The following SLC5A11 variants were observed in gnomAD, a reference collection of about 807,000 sequenced individuals.
SLC5A11 encodes the protein solute carrier family 5 member 11.
In SLC5A11, 48 loss-of-function variants were observed where a neutral mutation model predicts 69.8. The observed-to-expected ratio is 0.69, with a 90% CI of 0.55 to 0.87. The LOEUF (loss-of-function observed/expected upper bound fraction) is 0.87, where lower values mean the gene tolerates loss of function less well. Among genes scored for constraint, SLC5A11 ranks in the 40% least tolerant of loss-of-function variants. The pLI, the probability that SLC5A11 is intolerant of heterozygous loss-of-function variation, is 0.00. For missense variants in SLC5A11, 784 were observed against 866.1 expected (o/e 0.91, Z 1.19); for synonymous variants, 319 against 342.4 (o/e 0.93, Z 0.75).
intron 1 of SLC5A11, 52 bp from the exon 3 acceptor site, chr16:24,858,568 G>T (rs1355874248): frequency 2.6e-6 from 4 of 1,517,020 alleles, no homozygotes; most frequent in Non-Finnish European, 3.6e-6. Flanking sequence ...CAGAAAGGGT[G>T]AGAAGAATGA....
chr16:24,906,706 C>A, exon 11 of SLC5A11: 1 of 1,613,644 alleles, frequency 6.2e-7, no homozygotes, highest in Non-Finnish European at 8.5e-7. Context: ...TCTGCAGCAA[C>A]CCCTCAGGCT....
At chr16:24,877,938 C>G (rs939101517) in intron 7 of SLC5A11, among the ~76,000 whole-genome samples, 1 of 151,780 alleles carries the variant, frequency 6.6e-6, no homozygotes, top group Non-Finnish European at 1.5e-5. Flanking sequence ...GAGCCAAGAT[C>G]GCGCCACTGC....
At chr16:24,865,543 T>G (rs1310652979) in intron 3 of SLC5A11, among the ~76,000 whole-genome samples, 1 of 151,970 alleles carries the variant, frequency 6.6e-6, no homozygotes, top group Non-Finnish European at 1.5e-5. Context: ...GGTGACAGAG[T>G]GAGACTCCAT....
chr16:24,875,582 G>T (rs1352040094), intron 5 of SLC5A11, 45 bp from the exon 7 acceptor site: 4 of 1,528,860 alleles, frequency 2.6e-6, no homozygotes. Flanking sequence ...GTCACGTGCT[G>T]GTGGTGAAGT....
intron 4 of SLC5A11, among the ~76,000 whole-genome samples, chr16:24,870,781 C>CAAAAAAAA (rs57742222): frequency 1.8e-4 from 12 of 66,524 alleles, no homozygotes; most frequent in South Asian, 1.3e-3. Flanking sequence ...CTCTGTCTCA[C>CAAAAAAAA]AAAAAAAAAA....
intron 6 of SLC5A11, 46 bp from the exon 8 acceptor site, chr16:24,877,212 C>T (rs1374445648): frequency 6.2e-7 from 1 of 1,604,722 alleles, no homozygotes; most frequent in Non-Finnish European, 8.5e-7. Flanking sequence ...TCCACTCATT[C>T]ATTCATTCGT....
chr16:24,910,313 A>G (rs1567711785), exon 15 of SLC5A11: 1 of 1,613,894 alleles, frequency 6.2e-7, no homozygotes. Context: ...TAGGTCAGCC[A>G]CCTGACCTGG....
At chr16:24,864,736 AG>A (rs1223149341) in intron 3 of SLC5A11, among the ~76,000 whole-genome samples, 4 of 152,232 alleles carry the variant, frequency 2.6e-5, no homozygotes, top group Non-Finnish European at 5.9e-5. Flanking sequence ...CACACAAAAA[AG>A]CCATGTCTTG....
chr16:24,907,544 T>C (rs184344585), intron 12 of SLC5A11, among the ~76,000 whole-genome samples: 1 of 152,066 alleles, frequency 6.6e-6, no homozygotes, highest in Admixed American at 6.6e-5. Flanking sequence ...AAACCTCATC[T>C]CTACTAAAAA....
At chr16:24,905,762 C>T (rs982324555) in intron 10 of SLC5A11, among the ~76,000 whole-genome samples, 2 of 152,034 alleles carry the variant, frequency 1.3e-5, no homozygotes, top group African/African-American at 4.8e-5. Context: ...TGCCTCCTGG[C>T]CATAATACTT....
At chr16:24,904,814 C>A (rs778618415) in intron 10 of SLC5A11, among the ~76,000 whole-genome samples, 3 of 152,074 alleles carry the variant, frequency 2.0e-5, no homozygotes, top group Non-Finnish European at 2.9e-5. Flanking sequence ...GATACATGTG[C>A]AGAACGTGCA....
intron 1 of SLC5A11, 147 bp from the exon 3 acceptor site, chr16:24,858,473 G>A (rs149573194): frequency 8.0e-5 from 44 of 548,358 alleles, no homozygotes; most frequent in African/African-American, 7.8e-4. Context: ...ATCGATGGAT[G>A]GATCTGTCTT....
chr16:24,889,811 G>A (rs7197546), intron 8 of SLC5A11, among the ~76,000 whole-genome samples: 1,908 of 152,078 alleles, frequency 0.013, 48 homozygotes, highest in African/African-American at 0.043. Flanking sequence ...GCCTCCCAAA[G>A]TGCTAGTATT....
chr16:24,874,723 G>C (rs766138408), intron 5 of SLC5A11, among the ~76,000 whole-genome samples: 1 of 151,904 alleles, frequency 6.6e-6, no homozygotes, highest in Non-Finnish European at 1.5e-5. Flanking sequence ...CCAGTAGCTG[G>C]GACTACAGCC....
At chr16:24,893,117 A>C (rs973601308) in intron 9 of SLC5A11, among the ~76,000 whole-genome samples, 36 of 41,606 alleles carry the variant, frequency 8.7e-4, no homozygotes, top group African/African-American at 1.9e-3. Flanking sequence ...CTAAAAATAC[A>C]AAAAAAAAAA....
intron 2 of SLC5A11, among the ~76,000 whole-genome samples, chr16:24,862,316 C>G (rs145725618): frequency 6.6e-6 from 1 of 152,280 alleles, no homozygotes; most frequent in African/African-American, 2.4e-5. Flanking sequence ...ATAAACAAGC[C>G]ATGAGCCTAA....
chr16:24,879,197 A>G (rs896469321), intron 7 of SLC5A11, among the ~76,000 whole-genome samples: 5 of 152,034 alleles, frequency 3.3e-5, no homozygotes, highest in African/African-American at 1.2e-4. Context: ...TGATATCTCA[A>G]CCAATTTTTT....
rs1597319582 is a variant in SLC5A11 at position 24,908,803 on chromosome 16, T to C, written c.1435-78T>C. 3 of 1,399,422 alleles carry C rather than the reference T, an allele frequency of 2.1e-6. No individual in the cohort carries two copies. In the East Asian group the frequency reaches 7.0e-5, roughly 33 times the overall value. The allele number at this position is 1,399,422 out of a possible 1,614,324, so 86.7% of individuals were successfully genotyped here. A position where few individuals can be genotyped will look rare whatever the true frequency, so the allele number is the denominator to read the frequency against. ...CAGTGACCACCACAAGAAAGACAAG[T>C]CCTGGAGATGGCTTCTTGAGGTTCC... On this transcript the variant is annotated intron_variant, in intron 13 of 15. Transcript: ENST00000347898.
At chr16:24,869,752 A>T in intron 3 of SLC5A11, 149 bp from the exon 5 acceptor site, 1 of 597,156 alleles carries the variant, frequency 1.7e-6, no homozygotes, top group Non-Finnish European at 3.0e-6. Flanking sequence ...TCTCATTCTA[A>T]TGTAAACAAA....
Sources: allele counts gnomAD v4.1 joint callset (sites outside exome capture counted in the v4.1 genomes callset), GRCh38; gene constraint gnomAD v4.1.1; transcripts MANE v1.5; gene names NCBI Gene and HGNC (gene_info 2026-07-23, HGNC 2026-07-21).